The following SLC35F3 variants were observed in gnomAD, a reference collection of about 807,000 sequenced individuals.
The protein encoded by SLC35F3 is putative thiamine transporter SLC35F3.
In SLC35F3, 25 loss-of-function variants were observed where a neutral mutation model predicts 49.9. The observed-to-expected ratio is 0.50, with a 90% CI of 0.37 to 0.70. The LOEUF (loss-of-function observed/expected upper bound fraction) is 0.70, where lower values mean the gene tolerates loss of function less well. Ranked by LOEUF, SLC35F3 falls within the 30% of genes least tolerant of loss-of-function variation. The pLI, the probability that SLC35F3 is intolerant of heterozygous loss-of-function variation, is 0.00. For missense variants in SLC35F3, 525 were observed against 639.8 expected (o/e 0.82, Z 1.94); for synonymous variants, 275 against 265.4 (o/e 1.04, Z -0.35).
intron 2 of SLC35F3, among the ~76,000 whole-genome samples, chr1:233,943,370 T>C (rs1012860298): frequency 6.6e-6 from 1 of 152,250 alleles, no homozygotes; most frequent in Non-Finnish European, 1.5e-5. Flanking sequence ...ATTCCACAAT[T>C]TTGTTCTTTA....
chr1:233,907,546 ACT>A (rs1661796925), intron 2 of SLC35F3, among the ~76,000 whole-genome samples: 1 of 151,802 alleles, frequency 6.6e-6, no homozygotes. Context: ...AGCTCATTCC[ACT>A]CTCTCTATTC....
chr1:234,201,934 A>G (rs1666906438), intron 2 of SLC35F3, among the ~76,000 whole-genome samples: 1 of 148,286 alleles, frequency 6.7e-6, no homozygotes, highest in Non-Finnish European at 1.5e-5. Context: ...AAAAAAAAGA[A>G]GGAGTTAAGG....
intron 2 of SLC35F3, among the ~76,000 whole-genome samples, chr1:234,031,612 A>G (rs1230079471): frequency 1.3e-5 from 2 of 152,160 alleles, no homozygotes; most frequent in African/African-American, 4.8e-5. Flanking sequence ...TGGCGTGATC[A>G]TAGCTCACTG....
intron 2 of SLC35F3, among the ~76,000 whole-genome samples, chr1:233,908,536 C>CT (rs898041195): frequency 0.088 from 7,489 of 84,990 alleles, 656 homozygotes; most frequent in East Asian, 0.2. Flanking sequence ...GTAAAGGATT[C>CT]TTTTTTTTTT....
At chr1:234,051,385 T>C (rs1664373752) in intron 2 of SLC35F3, among the ~76,000 whole-genome samples, 1 of 152,234 alleles carries the variant, frequency 6.6e-6, no homozygotes, top group Non-Finnish European at 1.5e-5. Context: ...CTAGGTATTT[T>C]ATTCTCTTTG....
At chr1:233,907,713 T>C (rs1462944647) in intron 2 of SLC35F3, among the ~76,000 whole-genome samples, 3 of 85,620 alleles carry the variant, frequency 3.5e-5, no homozygotes, top group Non-Finnish European at 8.3e-5. Context: ...GGTTGTCTTT[T>C]TGTTTTTTTT....
intron 2 of SLC35F3, among the ~76,000 whole-genome samples, chr1:234,087,452 C>T (rs1664977843): frequency 6.6e-6 from 1 of 152,218 alleles, no homozygotes; most frequent in African/African-American, 2.4e-5. Context: ...CAGAACTGCC[C>T]AGAGTTAAGT....
chr1:233,930,224 T>C (rs1662221451), intron 2 of SLC35F3, among the ~76,000 whole-genome samples: 1 of 150,864 alleles, frequency 6.6e-6, no homozygotes, highest in East Asian at 1.9e-4. Flanking sequence ...CTCCTGAGAG[T>C]TGTCACTTTG....
chr1:233,972,721 C>G (rs1366970263), intron 2 of SLC35F3, among the ~76,000 whole-genome samples: 3 of 152,210 alleles, frequency 2.0e-5, no homozygotes, highest in African/African-American at 4.8e-5. Flanking sequence ...GCCTTTTTCT[C>G]ATTTCTCTGT....
At chr1:234,090,377 G>T (rs2102876948) in intron 2 of SLC35F3, among the ~76,000 whole-genome samples, 1 of 152,372 alleles carries the variant, frequency 6.6e-6, no homozygotes, top group Middle Eastern at 3.4e-3. Context: ...GATTTGTTCT[G>T]CCAGCATGCA....
intron 2 of SLC35F3, among the ~76,000 whole-genome samples, chr1:234,185,423 G>T (rs573784935): frequency 2.2e-4 from 34 of 152,334 alleles, no homozygotes; most frequent in Non-Finnish European, 4.4e-4. Context: ...TGTTCTAGGA[G>T]ACTAGCAAAT....
rs1053260121 is a variant in SLC35F3, at chr1:234,323,965, T to C, written c.*722T>C. The C allele has an allele frequency of 1.3e-5, 2 of 152,330 alleles. No individual in the cohort carries two copies. Among genetic ancestry groups the C allele is most frequent in the Non-Finnish European group, 2.9e-5 (2 of 68,104 alleles). 9.4% of individuals were successfully genotyped at this position (152,330 alleles called of 1,614,324 possible). A position where few individuals can be genotyped will look rare whatever the true frequency, so the allele number is the denominator to read the frequency against. ...ACCTATGTGAAGCGAGGTGACGTGATACGTCACTGGCGCCGTCTTATAATT... is the reference window on the plus strand; with the variant it reads ...ACCTATGTGAAGCGAGGTGACGTGACACGTCACTGGCGCCGTCTTATAATT... On this transcript the variant is annotated 3_prime_UTR_variant, in exon 8 of 8. Transcript: ENST00000366618. This position sits in a 1 kb window ranked among gnomAD's most constrained non-coding sequence, Gnocchi z 4.5.
At chr1:234,197,755 A>G (rs2102932780) in intron 2 of SLC35F3, among the ~76,000 whole-genome samples, 1 of 152,384 alleles carries the variant, frequency 6.6e-6, no homozygotes, top group East Asian at 1.9e-4. Context: ...CAGAGATGCT[A>G]GAATCTTCAT....
chr1:234,064,253 T>G (rs1301889820), intron 2 of SLC35F3, among the ~76,000 whole-genome samples: 1 of 152,248 alleles, frequency 6.6e-6, no homozygotes, highest in Non-Finnish European at 1.5e-5. Flanking sequence ...TCCAGCTATG[T>G]GTCTTGCGTG....
intron 3 of SLC35F3, among the ~76,000 whole-genome samples, chr1:234,280,735 C>T (rs1214483291): frequency 6.6e-6 from 1 of 152,390 alleles, no homozygotes; most frequent in East Asian, 1.9e-4. Context: ...CTCTATCTCA[C>T]TTCCACCGCA....
At chr1:234,146,481 CTT>C (rs869146212) in intron 2 of SLC35F3, among the ~76,000 whole-genome samples, 53 of 74,038 alleles carry the variant, frequency 7.2e-4, no homozygotes, top group Middle Eastern at 9.4e-3. Context: ...GATATTTGCT[CTT>C]TTTTTTTTTT....
chr1:234,044,161 A>G (rs1057325652), intron 2 of SLC35F3, among the ~76,000 whole-genome samples: 1 of 152,206 alleles, frequency 6.6e-6, no homozygotes, highest in Non-Finnish European at 1.5e-5. Context: ...TCTGCAAGAT[A>G]GTGTTTGGCC....
chr1:234,304,335 A>T (rs1475961649), intron 3 of SLC35F3, among the ~76,000 whole-genome samples: 2 of 151,730 alleles, frequency 1.3e-5, no homozygotes, highest in Admixed American at 1.3e-4. Flanking sequence ...TAATTTTTAT[A>T]TTTTTTTAGT....
rs542069286 is a variant in SLC35F3, at chr1:234,016,708, A to C, written c.283+110950A>C. On this transcript the variant is annotated intron_variant, in intron 2 of 7. Coordinates refer to ENST00000366618, the MANE Select transcript of SLC35F3 (RefSeq NM_173508.4). ...TAATTTGATGAATGTATTTCAATGC[A>C]ATTGATTTCTTTTGTAATCCCATGT... 1.8e-4 allele frequency among the ~76,000 whole-genome samples: 27 copies of C among 152,330 alleles called. No individual in the cohort carries two copies. In the East Asian group the frequency reaches 5.2e-3, roughly 29 times the overall value.
Sources: gnomAD v4.1 joint callset for allele counts (sites outside exome capture counted in the v4.1 genomes callset) on GRCh38, gnomAD v4.1.1 for gene constraint, Gnocchi (gnomAD v3.1) non-coding constraint, MANE v1.5 for transcripts, NCBI Gene and HGNC (gene_info 2026-07-23, HGNC 2026-07-21) for gene names.